Variants in ADAMTS9 observed in about 807,000 individuals in gnomAD.
The protein encoded by ADAMTS9 is ADAM metallopeptidase with thrombospondin type 1 motif 9, also known as A disintegrin and metalloproteinase with thrombospondin motifs 9.
A neutral mutation model predicts 257.1 loss-of-function variants in ADAMTS9; 107 were observed. That is an observed-to-expected ratio of 0.42 (90% CI 0.36 to 0.49). The LOEUF (loss-of-function observed/expected upper bound fraction) is 0.49. Ranked by LOEUF, ADAMTS9 falls within the 20% of genes least tolerant of loss-of-function variation. The pLI is 0.03. For missense variants in ADAMTS9, 2,353 were observed against 2,469.1 expected (o/e 0.95, Z 1.00); for synonymous variants, 982 against 880.9 (o/e 1.11, Z -2.03).
rs751207553 is a variant in ADAMTS9 at position 64,641,908 on chromosome 3, G to C, written c.1796C>G (p.Thr599Ser). 40 of 1,614,092 alleles carry C rather than the reference G, an allele frequency of 2.5e-5. 1 individual carries two copies. In the South Asian group the frequency reaches 4.4e-4, roughly 18 times the overall value. The change falls in exon 12 of 40, where the codon ACC becomes AGC. Residue 599 changes from threonine (T) to serine (S), a missense_variant. Coordinates refer to ENST00000498707, the MANE Select transcript of ADAMTS9 (RefSeq NM_182920.2). ...GCCCCCTCCACATGTTCTGGAGCAG[G>C]TTCCAAAGGGACTCCAACTTCCCCA... ...GSWGSWSPFGTCSRTCGGGIK... is the reference protein window; with the variant it reads ...GSWGSWSPFGSCSRTCGGGIK...
At chr3:64,660,075 C>T (rs1281656754) in intron 3 of ADAMTS9, among the ~76,000 whole-genome samples, 1 of 152,076 alleles carries the variant, frequency 6.6e-6, no homozygotes, top group East Asian at 1.9e-4. Context: ...AAAGTGCCTG[C>T]CAAAATATAC....
rs888275276 is a variant in ADAMTS9 at position 64,516,443 on chromosome 3, A to G, written c.*684T>C. 6.6e-6 allele frequency: 1 copy of G among 152,656 alleles called. No homozygotes were observed. The highest frequency in any genetic ancestry group is 1.5e-5 in the Non-Finnish European group (1 of 68,046). 9.5% of individuals were successfully genotyped at this position (152,656 alleles called of 1,614,324 possible). ...TAAAGAGCTGGTCTTATTTCATCCA[A>G]GTGATTCTGTGCACTGGAAATTGTC... On this transcript the variant is annotated 3_prime_UTR_variant, in exon 40 of 40. Coordinates refer to ENST00000498707, the MANE Select transcript of ADAMTS9 (RefSeq NM_182920.2).
chr3:64,681,283 TTCC>T lies in ADAMTS9; in HGVS notation c.594_596del (p.Glu199del). 3.1e-6 allele frequency: 5 copies of T among 1,614,098 alleles called. No homozygotes were observed. The highest frequency in any genetic ancestry group is 4.2e-6 in the Non-Finnish European group (5 of 1,179,962). ...TATAAATGATGTGGGGTTTGTTTTG[TTCC>T]TCTTCATCTTCTTGTTCATCCATAG... On this transcript the variant is annotated inframe_deletion, in exon 3 of 40. Transcript: ENST00000498707.
intron 3 of ADAMTS9, among the ~76,000 whole-genome samples, chr3:64,663,139 A>T (rs958345248): frequency 4.6e-5 from 7 of 152,094 alleles, no homozygotes; most frequent in African/African-American, 1.7e-4. Flanking sequence ...AAAAGTACAG[A>T]TTCTTTTTCT....
At chr3:64,530,564 T>C (rs1393494930) in intron 38 of ADAMTS9, among the ~76,000 whole-genome samples, 4 of 151,158 alleles carry the variant, frequency 2.6e-5, no homozygotes, top group Non-Finnish European at 4.4e-5. Context: ...GACAGGCAAT[T>C]GTCATACCCA....
At chr3:64,545,942 G>A (rs1328578925) in intron 32 of ADAMTS9, among the ~76,000 whole-genome samples, 2 of 152,040 alleles carry the variant, frequency 1.3e-5, no homozygotes, top group African/African-American at 2.4e-5. Context: ...CAGAGCCAGG[G>A]GGCTGTGACA....
chr3:64,654,146 G>A (rs1341964696), intron 8 of ADAMTS9, among the ~76,000 whole-genome samples: 1 of 152,180 alleles, frequency 6.6e-6, no homozygotes, highest in Non-Finnish European at 1.5e-5. Context: ...CACAAGCTAT[G>A]ACTAAAGAGA....
In ADAMTS9 at chr3:64,631,804, T is replaced by G; in HGVS notation, c.2293+4A>C. On this transcript the variant is annotated splice_donor_region_variant and intron_variant, in intron 15 of 39. Coordinates refer to ENST00000498707, the MANE Select transcript of ADAMTS9 (RefSeq NM_182920.2). ...TCTCATGGTTCTTAGGAGCAGATTC[T>G]TACCATAATGTACTGTATTAAATGT... 1 of 1,607,402 alleles carries G rather than the reference T, an allele frequency of 6.2e-7. No homozygotes were observed. The highest frequency in any genetic ancestry group is 8.5e-7 in the Non-Finnish European group (1 of 1,174,660).
chr3:64,593,977 G>A (rs2084311706), intron 28 of ADAMTS9, among the ~76,000 whole-genome samples: 1 of 151,332 alleles, frequency 6.6e-6, no homozygotes, highest in South Asian at 2.1e-4. Flanking sequence ...GTGTGTGTGT[G>A]TGTGTGTGTG....
intron 2 of ADAMTS9, among the ~76,000 whole-genome samples, chr3:64,682,755 A>G (rs1701790319): frequency 6.6e-6 from 1 of 152,214 alleles, no homozygotes; most frequent in Admixed American, 6.5e-5. Context: ...TTGAATCAAA[A>G]TCTCTAGGGG....
chr3:64,547,439 C>A (rs576268412), intron 31 of ADAMTS9, among the ~76,000 whole-genome samples: 4 of 152,088 alleles, frequency 2.6e-5, no homozygotes. Context: ...TTTTCCTTCC[C>A]TCCGTGGTGC....
intron 22 of ADAMTS9, among the ~76,000 whole-genome samples, chr3:64,611,540 C>T (rs961144553): frequency 2.6e-5 from 4 of 152,124 alleles, no homozygotes; most frequent in African/African-American, 9.7e-5. Flanking sequence ...GCACCCAGGA[C>T]CAGTTTCATG....
Position 64,616,004 on chromosome 3 carries a change from C to T in ADAMTS9, c.2980G>A (p.Gly994Arg), listed in dbSNP as rs1214795773. ...PKPSNREKCSGECNTGGWRYS... is the reference protein window; with the variant it reads ...PKPSNREKCSRECNTGGWRYS... ...CGCCAGCCACCCGTGTTACATTCCC[C>T]TGAGCATTTTTCACGGTTGCTTGGT... Residue 994 changes from glycine to arginine, a missense_variant, in exon 20 of 40, where the codon GGG becomes AGG. Physicochemically the swap from Gly to Arg is moderately radical, Grantham distance 125. Transcript: ENST00000498707. 1 of 1,613,846 alleles carries T rather than the reference C, an allele frequency of 6.2e-7. No individual in the cohort carries two copies. Among genetic ancestry groups the T allele is most frequent in the Non-Finnish European group, 8.5e-7 (1 of 1,179,994 alleles).
intron 3 of ADAMTS9, among the ~76,000 whole-genome samples, chr3:64,679,977 G>C (rs537495518): frequency 5.3e-5 from 8 of 152,198 alleles, no homozygotes; most frequent in African/African-American, 1.9e-4. Flanking sequence ...GAATGCTTTA[G>C]TTATATTCCA....
At chr3:64,630,079 T>C (rs1700330468) in intron 16 of ADAMTS9, among the ~76,000 whole-genome samples, 1 of 152,192 alleles carries the variant, frequency 6.6e-6, no homozygotes. Context: ...CTTTTTAAGA[T>C]TGACTGCCCA....
chr3:64,675,981 G>A (rs1376115894), intron 3 of ADAMTS9, among the ~76,000 whole-genome samples: 2 of 152,122 alleles, frequency 1.3e-5, no homozygotes, highest in African/African-American at 2.4e-5. Context: ...TCCCAATCAG[G>A]AAGTGATGGT....
chr3:64,622,080 A>C, intron 18 of ADAMTS9, 118 bp downstream of exon 18: 1 of 1,060,844 alleles, frequency 9.4e-7, no homozygotes, highest in Non-Finnish European at 1.3e-6. Flanking sequence ...AAAAGAGATT[A>C]GAGAACGTAT....
chr3:64,663,803 C>T (rs1414736789), intron 3 of ADAMTS9, among the ~76,000 whole-genome samples: 1 of 152,024 alleles, frequency 6.6e-6, no homozygotes, highest in Non-Finnish European at 1.5e-5. Context: ...ACAGAATGGT[C>T]CTCAGTCTTT....
intron 19 of ADAMTS9, among the ~76,000 whole-genome samples, chr3:64,617,558 A>G (rs1699991287): frequency 1.3e-5 from 2 of 152,168 alleles, no homozygotes; most frequent in Admixed American, 6.5e-5. Context: ...AGGGACATAA[A>G]ATACAATTGT....
Sources: gnomAD v4.1 joint callset for allele counts (sites outside exome capture counted in the v4.1 genomes callset) on GRCh38, gnomAD v4.1.1 for gene constraint, MANE v1.5 for transcripts, NCBI Gene and HGNC (gene_info 2026-07-23, HGNC 2026-07-21) for gene names.